Variants in OVCH1 observed in about 807,000 individuals in gnomAD.
OVCH1 encodes the protein ovochymase-1.
In OVCH1, 139 loss-of-function variants were observed where a neutral mutation model predicts 138.4. The ratio of observed to expected loss-of-function variants is 1.00; its 90% CI spans 0.87 to 1.16. The LOEUF (loss-of-function observed/expected upper bound fraction) is 1.16. Ranked by LOEUF, OVCH1 falls within the 50% of genes most tolerant of loss-of-function variation. The pLI is 0.00. For synonymous variants in OVCH1, 453 were observed against 467.8 expected (o/e 0.97, Z 0.41); for missense variants, 1,367 against 1,357.9 (o/e 1.01, Z -0.11).
rs371062268 is a variant in OVCH1 at position 29,489,650 on chromosome 12, G to C, written c.672C>G (p.Gly224=). Residue 224 remains glycine (G), a synonymous_variant, in exon 6 of 28, where the codon GGC becomes GGG. Coordinates refer to ENST00000318184, the Ensembl canonical transcript of OVCH1. The stretch of plus-strand genomic sequence containing the variant: ...AGGCGTCCATTCCCCAATCAGGGAA[G>C]CCAGCACACAGCATGGTCCTTCCCA... 1.2e-5 allele frequency: 20 copies of C among 1,608,516 alleles called. No homozygotes were observed. In the African/African-American group the frequency reaches 2.4e-4, roughly 19 times the overall value.
chr12:29,473,047 C>G, exon 15 of OVCH1: 1 of 1,610,584 alleles, frequency 6.2e-7, no homozygotes, highest in Non-Finnish European at 8.5e-7. Context: ...ATAGCTTTTA[C>G]GGTAGATACA....
exon 22 of OVCH1, chr12:29,451,459 C>G (rs1347570): frequency 0.55 from 882,828 of 1,612,712 alleles, 244,050 homozygotes; most frequent in African/African-American, 0.64. Context: ...ATACTGCTTG[C>G]TGAAACTCTG....
At chr12:29,449,532 T>C (rs533747711) in intron 22 of OVCH1, among the ~76,000 whole-genome samples, 4 of 152,164 alleles carry the variant, frequency 2.6e-5, no homozygotes, top group Non-Finnish European at 5.9e-5. Context: ...TCCTCTCTCA[T>C]TTCCTTGAGC....
chr12:29,404,423 A>C, the OVCH1 span, among the ~76,000 whole-genome samples: 1 of 152,236 alleles, frequency 6.6e-6, no homozygotes, highest in African/African-American at 2.4e-5. Context: ...GGCAGGGCAC[A>C]GGTTGTTCTC....
intron 16 of OVCH1, among the ~76,000 whole-genome samples, chr12:29,465,805 A>G (rs576799910): frequency 2.2e-4 from 34 of 152,214 alleles, no homozygotes; most frequent in African/African-American, 7.2e-4. Context: ...TTAATTTCAC[A>G]GTGATGTTAA....
At chr12:29,435,988 T>C (rs1482968497) in intron 26 of OVCH1, among the ~76,000 whole-genome samples, 2 of 152,206 alleles carry the variant, frequency 1.3e-5, no homozygotes, top group African/African-American at 2.4e-5. Context: ...ATTAAACATA[T>C]TGATCTTTTT....
intron 3 of OVCH1, among the ~76,000 whole-genome samples, chr12:29,419,199 C>G (rs1347776378): frequency 6.6e-6 from 1 of 152,014 alleles, no homozygotes; most frequent in Non-Finnish European, 1.5e-5. Context: ...GTCTTGAATT[C>G]TTGGAAAATA....
intron 21 of OVCH1, among the ~76,000 whole-genome samples, chr12:29,452,111 A>G (rs1414579319): frequency 6.6e-6 from 1 of 152,168 alleles, no homozygotes; most frequent in African/African-American, 2.4e-5. Flanking sequence ...TGACTCAGCA[A>G]TCAGCTTCTC....
chr12:29,488,054 T>A (rs1943163472), intron 6 of OVCH1, among the ~76,000 whole-genome samples, 172 bp from the exon 7 acceptor site: 1 of 152,212 alleles, frequency 6.6e-6, no homozygotes, highest in African/African-American at 2.4e-5. Context: ...TCCTTATCAT[T>A]AGTTTCAAGG....
chr12:29,451,619 G>T, intron 21 of OVCH1, 50 bp from the exon 22 acceptor site: 2 of 1,417,474 alleles, frequency 1.4e-6, no homozygotes, highest in East Asian at 2.4e-5. Flanking sequence ...ATAAAGCAAA[G>T]AAAAACCAGA....
chr12:29,450,148 A>G (rs1337995198), intron 22 of OVCH1, among the ~76,000 whole-genome samples: 2 of 152,212 alleles, frequency 1.3e-5, no homozygotes, highest in Non-Finnish European at 2.9e-5. Flanking sequence ...AATGGCAACA[A>G]AAGTCAAAAT....
intron 16 of OVCH1, among the ~76,000 whole-genome samples, chr12:29,465,433 C>A (rs1942282100): frequency 6.6e-6 from 1 of 152,148 alleles, no homozygotes; most frequent in Non-Finnish European, 1.5e-5. Flanking sequence ...AAAGGGGAAG[C>A]AAGCACATCT....
chr12:29,462,134 G>T, intron 18 of OVCH1, 126 bp from the exon 19 acceptor site: 3 of 1,028,224 alleles, frequency 2.9e-6, no homozygotes, highest in Non-Finnish European at 4.2e-6. Context: ...GGCCTGAGCT[G>T]ATGTAGAATT....
chr12:29,478,849 C>A (rs1942830575), exon 9 of OVCH1: 1 of 1,589,284 alleles, frequency 6.3e-7, no homozygotes, highest in Non-Finnish European at 8.6e-7. Flanking sequence ...AAGCACTCCA[C>A]TGCTTGATCG....
chr12:29,426,233 C>T (rs577872673), downstream of OVCH1, among the ~76,000 whole-genome samples: 7 of 152,152 alleles, frequency 4.6e-5, no homozygotes, highest in Non-Finnish European at 7.4e-5. Context: ...ACCTTCTAAG[C>T]CATTGATCCC....
At chr12:29,428,617 C>G (rs1245341041) in intron 27 of OVCH1, among the ~76,000 whole-genome samples, 2 of 152,118 alleles carry the variant, frequency 1.3e-5, no homozygotes, top group South Asian at 2.1e-4. Flanking sequence ...GCTTTATAAT[C>G]TAATAAGAGC....
exon 24 of OVCH1, chr12:29,444,227 AGTGCTCTCT>A: frequency 6.2e-7 from 1 of 1,612,476 alleles, no homozygotes; most frequent in Non-Finnish European, 8.5e-7. Flanking sequence ...CAAGGGACCA[AGTGCTCTCT>A]GTTTGAACTT....
chr12:29,435,956 CAT>C (rs933768289), intron 26 of OVCH1, among the ~76,000 whole-genome samples: 10 of 152,098 alleles, frequency 6.6e-5, no homozygotes, highest in African/African-American at 1.9e-4. Flanking sequence ...AAAAATTACT[CAT>C]AATCTTATAA....
the OVCH1 span, among the ~76,000 whole-genome samples, chr12:29,407,285 C>T: frequency 0.068 from 7,778 of 113,980 alleles, 2,001 homozygotes; most frequent in Non-Finnish European, 0.11. Flanking sequence ...TAGTTTCTTT[C>T]GCTGTGCAGA....
Sources: gnomAD v4.1 joint callset for allele counts (sites outside exome capture counted in the v4.1 genomes callset) on GRCh38, gnomAD v4.1.1 for gene constraint, MANE v1.5 for transcripts, NCBI Gene and HGNC (gene_info 2026-07-23, HGNC 2026-07-21) for gene names.